The following ELAC2 variants were observed in gnomAD, a reference collection of about 807,000 sequenced individuals.
ELAC2 encodes elaC ribonuclease Z 2.
Under a neutral mutation model 105.2 loss-of-function variants are expected in ELAC2, and 92 were observed. The observed-to-expected ratio is 0.87, with a 90% CI of 0.74 to 1.04. ELAC2 has a LOEUF of 1.04. Among genes scored for constraint, ELAC2 ranks in the 50% least tolerant of loss-of-function variants. ELAC2 has a pLI of 0.00. For missense variants in ELAC2, 1,099 were observed against 1,071.7 expected, an observed-to-expected ratio of 1.03 and a Z score of -0.36; for synonymous variants, 468 against 409.1, an observed-to-expected ratio of 1.14 and a Z score of -1.74.
intron 17 of ELAC2, 198 bp from the exon 18 acceptor site, chr17:12,996,176 C>G (rs2040458908): frequency 1.4e-6 from 1 of 712,854 alleles, no homozygotes; most frequent in Non-Finnish European, 2.4e-6. Context: ...AGCGACACGA[C>G]CCGTGCTGGG....
Position 13,018,024 on chromosome 17 carries a change from G to C in ELAC2, c.-77C>G. ...TTCCCGTGCACCACCTAGCCGCTCC[G>C]CATGGCGGATCCAGCCAATCAGCGC... On this transcript the variant is annotated 5_prime_UTR_variant, in exon 1 of 24. Coordinates refer to ENST00000338034, the MANE Select transcript of ELAC2 (RefSeq NM_018127.7). The C allele has an allele frequency of 6.5e-7, 1 of 1,529,602 alleles. No homozygotes were observed. The highest frequency in any genetic ancestry group is 8.7e-7 in the Non-Finnish European group (1 of 1,144,250). 94.8% of individuals were successfully genotyped at this position (1,529,602 alleles called of 1,614,324 possible). A position where few individuals can be genotyped will look rare whatever the true frequency, so the allele number is the denominator to read the frequency against.
intron 17 of ELAC2, 115 bp downstream of exon 17, chr17:12,996,432 G>C (rs948989950): frequency 1.3e-5 from 19 of 1,513,948 alleles, no homozygotes; most frequent in Admixed American, 1.7e-5. Context: ...CCAGAGATGA[G>C]TAACAAAAGC....
chr17:13,002,200 T>C (rs549485931), intron 14 of ELAC2, 74 bp downstream of exon 14: 21 of 1,508,192 alleles, frequency 1.4e-5, no homozygotes, highest in East Asian at 1.4e-4. Context: ...CCTGGAACAT[T>C]TACTATGTGG....
intron 23 of ELAC2, among the ~76,000 whole-genome samples, chr17:12,993,283 T>C (rs983220281): frequency 6.6e-6 from 1 of 152,194 alleles, no homozygotes; most frequent in African/African-American, 2.4e-5. Context: ...GCAGTCCAGA[T>C]GCTCTCAAAA....
Position 12,994,807 on chromosome 17 carries a change from G to A in ELAC2, c.1986C>T (p.Val662=), listed in dbSNP as rs772271496. 33 of 1,613,944 alleles carry A rather than the reference G, an allele frequency of 2.0e-5. No homozygotes were observed. The highest frequency in any genetic ancestry group is 2.8e-5 in the Non-Finnish European group (33 of 1,180,052). The change falls in exon 21 of 24, where the codon GTC becomes GTT. Residue 662 remains valine, a synonymous_variant. Transcript: ENST00000338034. The part of the protein sequence containing the change: ...ALVHTSGWKV[V]YSGDTMPCEA... ...CGCAGGGCATGGTGTCCCCGGAATAGACCACTTTCCAGCCAGAGGTGTGCA... is the reference window on the plus strand; with the variant it reads ...CGCAGGGCATGGTGTCCCCGGAATAAACCACTTTCCAGCCAGAGGTGTGCA...
In ELAC2 at chr17:12,991,708, C is replaced by T. The variant is rs555291260; in HGVS notation, c.*1110G>A. On this transcript the variant is annotated 3_prime_UTR_variant, in exon 24 of 24. Transcript: ENST00000338034. Reference sequence around the variant, plus strand: ...ATGGCCGTCAATCTCAAATGCACACCGGGATGGAGCCTGAAGGTCACCACC... The same window carrying T: ...ATGGCCGTCAATCTCAAATGCACACTGGGATGGAGCCTGAAGGTCACCACC... 4.5e-4 allele frequency: 94 copies of T among 210,216 alleles called. 1 individual carries two copies. The highest frequency in any genetic ancestry group is 2.5e-4 in the Non-Finnish European group (26 of 103,190). The allele number at this position is 210,216 out of a possible 1,614,324, so 13.0% of individuals were successfully genotyped here. A position where few individuals can be genotyped will look rare whatever the true frequency, so the allele number is the denominator to read the frequency against.
At chr17:13,011,510 T>C (rs1046194035) in intron 7 of ELAC2, among the ~76,000 whole-genome samples, 153 bp downstream of exon 7, 1 of 152,134 alleles carries the variant, frequency 6.6e-6, no homozygotes, top group African/African-American at 2.4e-5. Context: ...ACCCTTCTCA[T>C]TCCCCCAACG....
At chr17:12,995,916 A>G (rs759166244) in intron 18 of ELAC2, 24 bp downstream of exon 18, 20 of 1,589,256 alleles carry the variant, frequency 1.3e-5, no homozygotes, top group South Asian at 8.0e-5. Flanking sequence ...GAAACTCAGA[A>G]CGCCCATCAA....
At position 13,002,331 on chromosome 17, in the gene ELAC2, A is replaced by G. The variant is rs765349565; in HGVS notation, c.1247T>C (p.Met416Thr). The G allele has an allele frequency of 6.2e-7, 1 of 1,614,218 alleles. No homozygotes were observed. Among genetic ancestry groups the G allele is most frequent in the South Asian group, 1.1e-5 (1 of 91,086 alleles). The change falls in exon 14 of 24, where the codon ATG becomes ACG. Residue 416 changes from methionine to threonine, a missense_variant. Coordinates refer to ENST00000338034, the MANE Select transcript of ELAC2 (RefSeq NM_018127.7). ...CTTGAGGAGGCATTCACCCTGAACC[A>G]TGGGCACACTGAGGGTGGGGCCCTC... is the stretch of plus-strand genomic sequence containing the variant. ...KKEGPTLSVP[M>T]VQGECLLKYQ... is the part of the protein sequence containing the mutation.
At chr17:13,005,715 A>G in intron 10 of ELAC2, 38 bp downstream of exon 10, 23 of 1,600,424 alleles carry the variant, frequency 1.4e-5, no homozygotes, top group Non-Finnish European at 2.0e-5. Flanking sequence ...TTCAGACCCT[A>G]CCTGTAACTG....
chr17:13,011,596 G>C, intron 7 of ELAC2, 67 bp downstream of exon 7: 2 of 1,611,224 alleles, frequency 1.2e-6, no homozygotes, highest in Non-Finnish European at 1.7e-6. Flanking sequence ...CTCTCTACAA[G>C]CATTACAAGG....
chr17:12,992,855 G>A lies in ELAC2; in HGVS notation c.2444C>T (p.Thr815Ile). Reference protein sequence around the residue: ...DGEPQQKRAHTEEPQAKKVRA... With the variant: ...DGEPQQKRAHIEEPQAKKVRA... ...GACCTTCTTGGCCTGTGGCTCCTCT[G>A]TGTGGGCCCGCTTCTGCTGAGGCTC... is the stretch of plus-strand genomic sequence containing the variant. The change falls in exon 24 of 24, where the codon ACA (threonine) becomes ATA (isoleucine). Residue 815 changes from threonine to isoleucine, a missense_variant. By Grantham distance (89) the Thr-to-Ile change is moderately conservative. Transcript: ENST00000338034. The A allele has an allele frequency of 6.2e-7, 1 of 1,608,936 alleles. No homozygotes were observed. Among genetic ancestry groups the A allele is most frequent in the Non-Finnish European group, 8.5e-7 (1 of 1,176,188 alleles).
intron 13 of ELAC2, 33 bp downstream of exon 13, chr17:13,002,408 C>T (rs762919677): frequency 6.2e-7 from 1 of 1,614,062 alleles, no homozygotes; most frequent in Non-Finnish European, 8.5e-7. Context: ...GGGACGAGAG[C>T]TGGGCCGACA....
intron 14 of ELAC2, among the ~76,000 whole-genome samples, chr17:13,002,033 T>A (rs2040837847): frequency 6.6e-6 from 1 of 152,188 alleles, no homozygotes; most frequent in African/African-American, 2.4e-5. Context: ...CTGGCCCCAA[T>A]CCGCCCACCT....
At chr17:12,996,044 G>A (rs993527438) in intron 17 of ELAC2, 66 bp from the exon 18 acceptor site, 12 of 1,527,742 alleles carry the variant, frequency 7.9e-6, no homozygotes, top group Non-Finnish European at 1.1e-5. Flanking sequence ...GTTAGGGTCT[G>A]CAGCCCTCTC....
In ELAC2 at chr17:12,992,497, A is replaced by ACTT. The variant is rs1482607290; in HGVS notation, c.*318_*320dup. 1 of 469,076 alleles carries ACTT rather than the reference A, an allele frequency of 2.1e-6. No homozygotes were observed. The highest frequency in any genetic ancestry group is 3.5e-5 in the Admixed American group (1 of 28,588). The allele number at this position is 469,076 out of a possible 1,614,324, so 29.1% of individuals were successfully genotyped here. A position where few individuals can be genotyped will look rare whatever the true frequency, so the allele number is the denominator to read the frequency against. On this transcript the variant is annotated 3_prime_UTR_variant, in exon 24 of 24. Transcript: ENST00000338034. ...GCTTGTCTCTGGTGTGCAGGGAATC[A>ACTT]CTTTGCTGGATTAGAGGAAAGGTGC...
rs1223488181 is a variant in ELAC2 at position 13,011,772 on chromosome 17, CCT to C, written c.568_569del (p.Arg190GlufsTer29). The C allele has an allele frequency of 8.7e-6, 14 of 1,614,068 alleles. No homozygotes were observed. Among genetic ancestry groups the C allele is most frequent in the Non-Finnish European group, 1.2e-5 (14 of 1,180,048 alleles). On this transcript the variant is annotated frameshift_variant, in exon 7 of 24. Transcript: ENST00000338034. LOFTEE classifies it high-confidence loss of function. ...TCTGCCATGGTTGGTGCTTTCCCCTCCTCTGTTCACCTGGTCAGTACAGATAC... is the reference window on the plus strand; with the variant it reads ...TCTGCCATGGTTGGTGCTTTCCCCTCCTGTTCACCTGGTCAGTACAGATAC... ...VYQIPIHSEQRRGKHQPWQSP... is the reference protein window; with the variant it reads ...VYQIPIHSEQXRGKHQPWQSP...
Position 12,996,629 on chromosome 17 carries a change from C to A in ELAC2, c.1577G>T (p.Arg526Leu). 1 of 1,614,030 alleles carries A rather than the reference C, an allele frequency of 6.2e-7. No homozygotes were observed. Among genetic ancestry groups the A allele is most frequent in the Non-Finnish European group, 8.5e-7 (1 of 1,180,014 alleles). The change falls in exon 17 of 24, where the codon CGT becomes CTT. Residue 526 changes from arginine to leucine, a missense_variant. Arg to Leu is a moderately radical substitution (Grantham distance 102). Coordinates refer to ENST00000338034, the MANE Select transcript of ELAC2 (RefSeq NM_018127.7). ...CCTGTCCACCTGGTCTCCGTAATGA[C>A]GGCACAGCTGCCCAAATGTGCCCTC... The part of the protein sequence containing the change: ...CGEGTFGQLC[R>L]HYGDQVDRVL...
chr17:12,994,932 C>T, intron 20 of ELAC2, 31 bp downstream of exon 20: 1 of 1,613,338 alleles, frequency 6.2e-7, no homozygotes, highest in Non-Finnish European at 8.5e-7. Context: ...CCCCACCTCG[C>T]CCCCATGATG....
Sources: allele counts gnomAD v4.1 joint callset (sites outside exome capture counted in the v4.1 genomes callset), GRCh38; gene constraint gnomAD v4.1.1; transcripts MANE v1.5; gene names NCBI Gene and HGNC (gene_info 2026-07-23, HGNC 2026-07-21).